Variants in MED13L observed in about 807,000 individuals in gnomAD.
MED13L encodes the protein mediator complex subunit 13L, also known as mediator of RNA polymerase II transcription subunit 13-like.
A neutral mutation model predicts 220.9 loss-of-function variants in MED13L; 7 were observed. That is an observed-to-expected ratio of 0.03 (90% CI 0.02 to 0.06). MED13L has a LOEUF of 0.06. MED13L is among the 10% of genes least tolerant of loss of function. MED13L has a pLI of 1.00. For missense variants in MED13L, 1,965 were observed against 2,760.5 expected, an observed-to-expected ratio of 0.71 and a Z score of 6.46; for synonymous variants, 1,011 against 1,015.2, an observed-to-expected ratio of 1.00 and a Z score of 0.08.
At chr12:116,120,576 A>G (rs1875007697) in intron 2 of MED13L, among the ~76,000 whole-genome samples, 1 of 151,172 alleles carries the variant, frequency 6.6e-6, no homozygotes, top group South Asian at 2.1e-4. Flanking sequence ...TAGTTAGCCT[A>G]CGTTTCTACA....
intron 2 of MED13L, among the ~76,000 whole-genome samples, chr12:116,177,024 A>G (rs1880121931): frequency 6.6e-6 from 1 of 152,092 alleles, no homozygotes; most frequent in Non-Finnish European, 1.5e-5. Flanking sequence ...CATTTTTGTT[A>G]ATTGGGTAAA....
In MED13L at chr12:116,042,765, T is replaced by TA. The variant is rs936187167; in HGVS notation, c.480-20165dup. 5.5e-4 allele frequency among the ~76,000 whole-genome samples: 83 copies of TA among 151,374 alleles called. 1 individual carries two copies. The highest frequency in any genetic ancestry group is 1.4e-3 in the East Asian group (7 of 5,166). ...GAAAGGACAGATGAGGCTGATAGCG[T>TA]AAAAAAAAACCCAGCATCCTGTCTG... On this transcript the variant is annotated intron_variant, in intron 4 of 30. Transcript: ENST00000281928.
At chr12:116,194,749 T>C (rs1202236121) in intron 2 of MED13L, among the ~76,000 whole-genome samples, 1 of 152,204 alleles carries the variant, frequency 6.6e-6, no homozygotes, top group Non-Finnish European at 1.5e-5. Flanking sequence ...CTAGAAATAA[T>C]TTTTTTAATT....
chr12:116,095,224 G>A (rs554893226), intron 4 of MED13L, among the ~76,000 whole-genome samples: 5 of 152,138 alleles, frequency 3.3e-5, no homozygotes, highest in South Asian at 2.1e-4. Flanking sequence ...TAGTTAAGCC[G>A]AATCTATACA....
intron 2 of MED13L, among the ~76,000 whole-genome samples, chr12:116,139,970 C>CA (rs36124478): frequency 0.34 from 21,799 of 63,444 alleles, 2,625 homozygotes; most frequent in South Asian, 0.42. Flanking sequence ...AACTCCATCT[C>CA]AAAAAAAAAA....
intron 28 of MED13L, 83 bp downstream of exon 28, chr12:115,968,857 G>C (rs951716862): frequency 6.5e-7 from 1 of 1,542,314 alleles, no homozygotes; most frequent in African/African-American, 1.4e-5. Flanking sequence ...TGTGCAAGTA[G>C]GAACAAGATG....
chr12:116,047,470 G>C (rs1458976018), intron 4 of MED13L, among the ~76,000 whole-genome samples: 5 of 152,144 alleles, frequency 3.3e-5, no homozygotes, highest in Non-Finnish European at 7.3e-5. Context: ...TTTATAAGTG[G>C]GTTTTCTTTA....
chr12:116,172,133 T>C (rs750819026), intron 2 of MED13L, among the ~76,000 whole-genome samples: 5 of 152,304 alleles, frequency 3.3e-5, no homozygotes, highest in Non-Finnish European at 7.4e-5. Flanking sequence ...AAGATCCACT[T>C]AGGTATATAA....
chr12:115,966,836 G>A (rs1265982902), intron 28 of MED13L, among the ~76,000 whole-genome samples: 1 of 152,158 alleles, frequency 6.6e-6, no homozygotes, highest in Admixed American at 6.6e-5. Context: ...AATTGAAAAT[G>A]TACCTTTCAT....
chr12:116,241,200 G>T (rs1401458558), intron 1 of MED13L, among the ~76,000 whole-genome samples: 1 of 151,616 alleles, frequency 6.6e-6, no homozygotes, highest in Non-Finnish European at 1.5e-5. Flanking sequence ...AGCTACTTGG[G>T]AGGCTGAAGC....
At chr12:116,043,848 T>C (rs1881677264) in intron 4 of MED13L, among the ~76,000 whole-genome samples, 1 of 152,240 alleles carries the variant, frequency 6.6e-6, no homozygotes, top group African/African-American at 2.4e-5. Flanking sequence ...ATGTATTTTA[T>C]TCAAACTGGC....
intron 2 of MED13L, among the ~76,000 whole-genome samples, chr12:116,158,320 A>G (rs1311133367): frequency 6.6e-6 from 1 of 152,182 alleles, no homozygotes; most frequent in Non-Finnish European, 1.5e-5. Context: ...CTACTTTGAC[A>G]TTATCAGTAA....
At chr12:115,967,929 G>C (rs1217165226) in intron 28 of MED13L, among the ~76,000 whole-genome samples, 1 of 152,176 alleles carries the variant, frequency 6.6e-6, no homozygotes, top group South Asian at 2.1e-4. Context: ...AGGGTAATAG[G>C]GGCAGGTATA....
intron 2 of MED13L, among the ~76,000 whole-genome samples, chr12:116,156,763 C>T (rs549198944): frequency 6.6e-6 from 1 of 152,292 alleles, no homozygotes; most frequent in African/African-American, 2.4e-5. Context: ...CTTATCAGCC[C>T]TCCCTCCTAA....
intron 2 of MED13L, among the ~76,000 whole-genome samples, chr12:116,172,278 G>A (rs573884661): frequency 5.3e-5 from 8 of 152,182 alleles, no homozygotes; most frequent in South Asian, 2.1e-4. Context: ...TCACATTTCC[G>A]GATGTAAAAA....
intron 1 of MED13L, among the ~76,000 whole-genome samples, chr12:116,273,381 A>G (rs1187850201): frequency 2.0e-5 from 3 of 152,148 alleles, no homozygotes; most frequent in Non-Finnish European, 2.9e-5. Flanking sequence ...TAAAATCACA[A>G]TGAACTGGTA....
At chr12:116,085,927 T>A (rs890658764) in intron 4 of MED13L, among the ~76,000 whole-genome samples, 2 of 151,402 alleles carry the variant, frequency 1.3e-5, no homozygotes, top group African/African-American at 4.9e-5. Flanking sequence ...GAAGACAGAG[T>A]GGGTGGGAGA....
intron 13 of MED13L, among the ~76,000 whole-genome samples, chr12:116,004,056 A>G (rs2137363279): frequency 6.6e-6 from 1 of 152,352 alleles, no homozygotes; most frequent in Non-Finnish European, 1.5e-5. Flanking sequence ...ATTAAGCTTA[A>G]TAGTAATTCA....
intron 2 of MED13L, among the ~76,000 whole-genome samples, chr12:116,165,925 T>A (rs552573128): frequency 6.6e-6 from 1 of 152,180 alleles, no homozygotes; most frequent in Non-Finnish European, 1.5e-5. Context: ...ACAGCTGCAT[T>A]GGTCTTTCGT....
Sources: gnomAD v4.1 joint callset for allele counts (sites outside exome capture counted in the v4.1 genomes callset) on GRCh38, gnomAD v4.1.1 for gene constraint, MANE v1.5 for transcripts, NCBI Gene and HGNC (gene_info 2026-07-23, HGNC 2026-07-21) for gene names.